FSTL4: variants seen among roughly 807,000 people sequenced by gnomAD.
FSTL4 encodes the protein follistatin-related protein 4.
FSTL4 carries 28 observed loss-of-function variants against 78.2 expected under a neutral mutation model. The observed-to-expected ratio is 0.36, with a 90% CI of 0.27 to 0.49. FSTL4 has a LOEUF of 0.49. Among genes scored for constraint, FSTL4 ranks in the 20% least tolerant of loss-of-function variants. The probability of loss-of-function intolerance (pLI) is 0.98; values close to 1 mark genes in which losing one functional copy is unlikely to be tolerated. For synonymous variants in FSTL4, 422 were observed against 440.5 expected, an observed-to-expected ratio of 0.96 and a Z score of 0.53; for missense variants, 922 against 1,084.9, an observed-to-expected ratio of 0.85 and a Z score of 2.11.
intron 2 of FSTL4, among the ~76,000 whole-genome samples, chr5:133,603,017 G>A (rs1315151551): frequency 6.6e-6 from 1 of 152,190 alleles, no homozygotes; most frequent in East Asian, 1.9e-4. Context: ...AGGCATCAAG[G>A]AAGACAATGG....
intron 2 of FSTL4, among the ~76,000 whole-genome samples, chr5:133,578,246 C>T (rs149077337): frequency 3.9e-5 from 6 of 152,324 alleles, no homozygotes; most frequent in African/African-American, 1.4e-4. Context: ...GTGGGCAGAC[C>T]TGGGAATACC....
the FSTL4 span, among the ~76,000 whole-genome samples, chr5:133,696,371 C>T: frequency 3.9e-4 from 60 of 152,370 alleles, no homozygotes; most frequent in African/African-American, 1.4e-3. Context: ...CCGCCCCATC[C>T]ACCAGCCTTC....
At chr5:133,674,336 A>G in the FSTL4 span, among the ~76,000 whole-genome samples, 1 of 152,176 alleles carries the variant, frequency 6.6e-6, no homozygotes, top group African/African-American at 2.4e-5. Context: ...GCTTTTGGCT[A>G]TCTTCTTAAT....
At chr5:133,399,206 C>T (rs896497532) in intron 4 of FSTL4, among the ~76,000 whole-genome samples, 18 of 152,302 alleles carry the variant, frequency 1.2e-4, no homozygotes, top group African/African-American at 3.4e-4. Flanking sequence ...AAATTCAACA[C>T]GGCCAATAAA....
chr5:133,708,568 C>T, the FSTL4 span, among the ~76,000 whole-genome samples: 1 of 152,218 alleles, frequency 6.6e-6, no homozygotes, highest in African/African-American at 2.4e-5. Context: ...ATACAACCTG[C>T]CTCACAGGCT....
intron 4 of FSTL4, among the ~76,000 whole-genome samples, chr5:133,396,978 A>G (rs915957058): frequency 5.3e-5 from 8 of 152,200 alleles, no homozygotes; most frequent in Non-Finnish European, 1.0e-4. Flanking sequence ...GGGGCCCCTT[A>G]AAACAGAACC....
At chr5:133,524,161 C>T (rs1561456121) in intron 3 of FSTL4, among the ~76,000 whole-genome samples, 1 of 152,104 alleles carries the variant, frequency 6.6e-6, no homozygotes, top group East Asian at 1.9e-4. Flanking sequence ...AGAAGGAGGA[C>T]AGGTCAGCGT....
At position 133,236,025 on chromosome 5, in the gene FSTL4, G is replaced by A. The variant is rs190252375; in HGVS notation, c.895-2488C>T. Among the ~76,000 whole-genome samples, 5 of 152,124 alleles carry A rather than the reference G, an allele frequency of 3.3e-5. No homozygotes were observed. Among genetic ancestry groups the A allele is most frequent in the African/African-American group, 1.2e-4 (5 of 41,516 alleles). On this transcript the variant is annotated intron_variant, in intron 7 of 15. Transcript: ENST00000265342. This position sits in a 1 kb window ranked among gnomAD's most constrained non-coding sequence, Gnocchi z 5.0. ...TGGCAGGGCTTGGAAACTCCTCAGCGTCCCAGTTGGTGGGTCCCAGGGCAG... is the reference window on the plus strand; with the variant it reads ...TGGCAGGGCTTGGAAACTCCTCAGCATCCCAGTTGGTGGGTCCCAGGGCAG...
intron 7 of FSTL4, among the ~76,000 whole-genome samples, chr5:133,237,204 G>A (rs185875370): frequency 2.6e-4 from 39 of 152,194 alleles, no homozygotes; most frequent in African/African-American, 8.7e-4. Context: ...CCCCTTCTCC[G>A]TCCTGCAGCC....
At chr5:133,765,994 C>G in the FSTL4 span, among the ~76,000 whole-genome samples, 5 of 152,290 alleles carry the variant, frequency 3.3e-5, no homozygotes, top group South Asian at 4.1e-4. Flanking sequence ...TCCCTTCAAT[C>G]TCTCCGGCAT....
At chr5:133,365,241 T>A (rs975278247) in intron 4 of FSTL4, among the ~76,000 whole-genome samples, 50 of 134,182 alleles carry the variant, frequency 3.7e-4, no homozygotes, top group African/African-American at 1.1e-3. Context: ...TCTAAAATAA[T>A]AATAATAATA....
chr5:133,425,173 A>G (rs764623389), intron 3 of FSTL4, among the ~76,000 whole-genome samples: 7 of 152,140 alleles, frequency 4.6e-5, no homozygotes, highest in Non-Finnish European at 8.8e-5. Flanking sequence ...ACACTTTATT[A>G]TAAAGTTTTT....
At chr5:133,257,643 G>A (rs1263539386) in intron 6 of FSTL4, among the ~76,000 whole-genome samples, 1 of 152,178 alleles carries the variant, frequency 6.6e-6, no homozygotes, top group Non-Finnish European at 1.5e-5. Flanking sequence ...AGTGTGGCAG[G>A]CAGGAGAGGC....
At chr5:133,609,655 T>C (rs746673229) in intron 1 of FSTL4, among the ~76,000 whole-genome samples, 1 of 152,262 alleles carries the variant, frequency 6.6e-6, no homozygotes, top group African/African-American at 2.4e-5. Flanking sequence ...TTATCTACTC[T>C]ATATCATTAG....
At chr5:133,645,460 G>A in the FSTL4 span, among the ~76,000 whole-genome samples, 1 of 152,124 alleles carries the variant, frequency 6.6e-6, no homozygotes, top group Non-Finnish European at 1.5e-5. Flanking sequence ...GAGGAAAGCT[G>A]GCTGGTTTCT....
At chr5:133,632,482 C>T in the FSTL4 span, among the ~76,000 whole-genome samples, 1 of 152,160 alleles carries the variant, frequency 6.6e-6, no homozygotes, top group Non-Finnish European at 1.5e-5. Context: ...TTCCTTTAGA[C>T]ATTCTTTCAA....
chr5:133,228,358 C>A (rs1187976604), intron 8 of FSTL4, among the ~76,000 whole-genome samples: 3 of 152,142 alleles, frequency 2.0e-5, no homozygotes, highest in Non-Finnish European at 4.4e-5. Flanking sequence ...CAGACAATTC[C>A]TTCATTCATT....
chr5:133,325,144 C>T (rs1754174570), intron 4 of FSTL4, among the ~76,000 whole-genome samples: 2 of 152,242 alleles, frequency 1.3e-5, no homozygotes, highest in Admixed American at 1.3e-4. Context: ...GTGGATCACC[C>T]TGTGAAGAGG....
intron 3 of FSTL4, among the ~76,000 whole-genome samples, chr5:133,560,366 C>G (rs1406882970): frequency 6.6e-6 from 1 of 152,146 alleles, no homozygotes; most frequent in Non-Finnish European, 1.5e-5. Flanking sequence ...AGCCCCTGAT[C>G]TTGGGAGAGA....
Sources: allele counts gnomAD v4.1 joint callset (sites outside exome capture counted in the v4.1 genomes callset), GRCh38; gene constraint gnomAD v4.1.1; non-coding constraint Gnocchi (gnomAD v3.1); transcripts MANE v1.5; gene names NCBI Gene and HGNC (gene_info 2026-07-23, HGNC 2026-07-21).